Variants in UNC13C observed in about 807,000 individuals in gnomAD.
UNC13C encodes protein unc-13 homolog C.
A neutral mutation model predicts 245.4 loss-of-function variants in UNC13C; 174 were observed. The observed-to-expected ratio is 0.71, with a 90% confidence interval of 0.63 to 0.80. The LOEUF is 0.80. Ranked by LOEUF, UNC13C falls within the 30% of genes least tolerant of loss-of-function variation. UNC13C has a pLI of 0.00. For synonymous variants in UNC13C, 992 were observed against 895.1 expected (o/e 1.11, Z -1.93); for missense variants, 2,829 against 2,602.9 (o/e 1.09, Z -1.89).
At chr15:54,457,907 CTTTTTTTTTTCT>C (rs1292410849) in intron 19 of UNC13C, among the ~76,000 whole-genome samples, 2 of 93,948 alleles carry the variant, frequency 2.1e-5, no homozygotes, top group Non-Finnish European at 4.3e-5. Flanking sequence ...TTTTTTTTTC[CTTTTTTTTTTCT>C]GCTACTGGAT....
chr15:53,854,122 GTTTT>G, the UNC13C span, among the ~76,000 whole-genome samples: 2 of 133,576 alleles, frequency 1.5e-5, no homozygotes. Flanking sequence ...GTTTTTATAG[GTTTT>G]TTTTTTTTTT....
intron 30 of UNC13C, among the ~76,000 whole-genome samples, chr15:54,599,618 G>A (rs2414327): frequency 0.69 from 104,764 of 151,848 alleles, 36,349 homozygotes; most frequent in East Asian, 0.76. Flanking sequence ...CATTGTTCCT[G>A]TAGTAGTGAA....
Position 54,014,120 on chromosome 15 carries a change from C to G in UNC13C, c.1217C>G (p.Thr406Arg). 1 of 1,613,694 alleles carries G rather than the reference C, an allele frequency of 6.2e-7. No homozygotes were observed. Among genetic ancestry groups the G allele is most frequent in the African/African-American group, 1.3e-5 (1 of 74,994 alleles). Residue 406 changes from threonine to arginine, a missense_variant, in exon 2 of 33, where the codon ACA becomes AGA. Transcript: ENST00000260323. ...KLKGTGIGIS[T>R]DILTHDIRER... ...AAAGGAACAGGCATTGGAATCTCAA[C>G]AGATATTCTAACTCATGACATCAGA...
At chr15:54,356,740 A>G (rs1194244679) in intron 17 of UNC13C, among the ~76,000 whole-genome samples, 2 of 152,192 alleles carry the variant, frequency 1.3e-5, no homozygotes, top group African/African-American at 2.4e-5. Context: ...GCAATAAAAC[A>G]TATGATTTTT....
the UNC13C span, among the ~76,000 whole-genome samples, chr15:53,926,149 T>G: frequency 6.6e-6 from 1 of 152,084 alleles, no homozygotes; most frequent in Admixed American, 6.5e-5. Flanking sequence ...TTAGTATGAC[T>G]CATAGACATT....
chr15:54,244,303 A>G (rs187111313), intron 7 of UNC13C, among the ~76,000 whole-genome samples: 1 of 152,094 alleles, frequency 6.6e-6, no homozygotes, highest in Non-Finnish European at 1.5e-5. Flanking sequence ...CTTGTTTCTT[A>G]TTTCTCTATT....
intron 2 of UNC13C, among the ~76,000 whole-genome samples, chr15:54,043,676 T>C (rs1354683494): frequency 2.6e-5 from 4 of 152,222 alleles, no homozygotes; most frequent in Non-Finnish European, 5.9e-5. Flanking sequence ...TATTAGTTAA[T>C]GTGTAGACAA....
chr15:54,204,306 G>GA (rs71132787), intron 4 of UNC13C, among the ~76,000 whole-genome samples: 34,126 of 124,750 alleles, frequency 0.27, 4,719 homozygotes, highest in Middle Eastern at 0.36. Context: ...ATTAAAAATT[G>GA]AAAAAAAAAA....
chr15:53,876,342 C>T, the UNC13C span, among the ~76,000 whole-genome samples: 1 of 152,130 alleles, frequency 6.6e-6, no homozygotes, highest in East Asian at 1.9e-4. Flanking sequence ...TTCTCAAAAT[C>T]GGACCTTCTC....
In UNC13C at chr15:54,015,176, TG is replaced by T; in HGVS notation, c.2274del (p.Met758IlefsTer26). On this transcript the variant is annotated frameshift_variant, in exon 2 of 33. Transcript: ENST00000260323. LOFTEE classifies it high-confidence loss of function. The stretch of plus-strand genomic sequence containing the variant: ...TACCAAAATCAAAACCAGTTGTCCA[TG>T]ATGTATCGAAGTCAAAGTGAATTGC... ...ELYQNQNQLS[M>X]MYRSQSELQS... is the part of the protein sequence containing the mutation. The T allele has an allele frequency of 6.2e-7, 1 of 1,612,814 alleles. No homozygotes were observed. The highest frequency in any genetic ancestry group is 8.5e-7 in the Non-Finnish European group (1 of 1,179,444).
chr15:54,077,588 C>G (rs1898707160), intron 2 of UNC13C, among the ~76,000 whole-genome samples: 1 of 151,722 alleles, frequency 6.6e-6, no homozygotes, highest in Non-Finnish European at 1.5e-5. Context: ...CCAGGCTGCT[C>G]TCAAACTCTT....
chr15:54,294,157 C>G, intron 11 of UNC13C, 93 bp downstream of exon 11: 1 of 1,112,906 alleles, frequency 9.0e-7, no homozygotes, highest in Non-Finnish European at 1.2e-6. Context: ...TAAAAATAAC[C>G]AATGCCTTTC....
the UNC13C span, among the ~76,000 whole-genome samples, chr15:53,968,762 G>A: frequency 3.9e-5 from 6 of 152,152 alleles, no homozygotes; most frequent in African/African-American, 1.2e-4. Flanking sequence ...AAAGCTGATG[G>A]CCAGCAAACT....
At chr15:54,476,904 G>A (rs953511137) in intron 19 of UNC13C, among the ~76,000 whole-genome samples, 30 of 150,588 alleles carry the variant, frequency 2.0e-4, no homozygotes, top group Non-Finnish European at 3.4e-4. Flanking sequence ...TGGGCAGTAC[G>A]GCCATTTTCA....
chr15:53,863,512 C>A, the UNC13C span, among the ~76,000 whole-genome samples: 1 of 152,112 alleles, frequency 6.6e-6, no homozygotes, highest in Non-Finnish European at 1.5e-5. Context: ...ACAGGCACAA[C>A]AGATTTTAAT....
At chr15:54,169,725 T>C (rs182975280) in intron 4 of UNC13C, among the ~76,000 whole-genome samples, 13 of 152,210 alleles carry the variant, frequency 8.5e-5, no homozygotes, top group Admixed American at 2.6e-4. Context: ...GGAGAGCCCT[T>C]TGGGACACAT....
At chr15:54,333,889 G>A (rs1418193356) in intron 16 of UNC13C, 33 bp downstream of exon 16, 1 of 1,500,356 alleles carries the variant, frequency 6.7e-7, no homozygotes, top group Non-Finnish European at 9.1e-7. Context: ...CTGTTTTGTT[G>A]TGACATAGAA....
chr15:54,589,412 C>T (rs1898661127), intron 30 of UNC13C, among the ~76,000 whole-genome samples: 1 of 147,736 alleles, frequency 6.8e-6, no homozygotes, highest in South Asian at 2.2e-4. Flanking sequence ...GATTCTCCTG[C>T]CTCAGCCTCC....
chr15:53,946,249 G>A, the UNC13C span, among the ~76,000 whole-genome samples: 1 of 151,796 alleles, frequency 6.6e-6, no homozygotes, highest in African/African-American at 2.4e-5. Context: ...TGATTGCTTT[G>A]GCCAGGACTT....
Sources: gnomAD v4.1 joint callset for allele counts (sites outside exome capture counted in the v4.1 genomes callset) on GRCh38, gnomAD v4.1.1 for gene constraint, MANE v1.5 for transcripts, NCBI Gene and HGNC (gene_info 2026-07-23, HGNC 2026-07-21) for gene names.